The following REX1BD variants were observed in gnomAD, a reference collection of about 807,000 sequenced individuals.
REX1BD encodes the protein required for excision 1-B domain-containing protein.
Under a neutral mutation model 24.4 loss-of-function variants are expected in REX1BD, and 22 were observed. The observed-to-expected ratio is 0.90, with a 90% CI of 0.64 to 1.29. REX1BD has a LOEUF of 1.29. Among genes scored for constraint, REX1BD ranks in the 50% most tolerant of loss-of-function variants. REX1BD has a pLI of 0.00. For synonymous variants in REX1BD, 146 were observed against 125.9 expected (o/e 1.16, Z -1.07); for missense variants, 293 against 285.3 (o/e 1.03, Z -0.19).
At chr19:18,592,003 A>C in intron 4 of REX1BD, 105 bp from the exon 5 acceptor site, 3 of 1,330,496 alleles carry the variant, frequency 2.3e-6, no homozygotes, top group Admixed American at 1.9e-5. Context: ...GGCGGCGGGC[A>C]GGAGGGCCTG....
At chr19:18,588,931 G>A (rs1388311310) in intron 1 of REX1BD, 31 bp downstream of exon 1, 2 of 1,524,582 alleles carry the variant, frequency 1.3e-6, no homozygotes, top group East Asian at 5.0e-5. Context: ...GAACGGGCGC[G>A]GGGCGGGCGG....
At chr19:18,591,040 C>A in intron 4 of REX1BD, 107 bp downstream of exon 4, 1 of 1,060,962 alleles carries the variant, frequency 9.4e-7, no homozygotes, top group Non-Finnish European at 1.3e-6. Context: ...CAATGGTGTT[C>A]TCACCTGGTG....
Position 18,590,922 on chromosome 19 carries a change from G to A in REX1BD, c.522G>A (p.Gln174=), listed in dbSNP as rs764579564. The change falls in exon 4 of 5, where the codon CAG becomes CAA. Residue 174 remains glutamine (Q), a synonymous_variant. Coordinates refer to ENST00000358607, the MANE Select transcript of REX1BD (RefSeq NM_001100418.2). Reference sequence around the variant, plus strand: ...AGGAGGACGCTGTACGGATGCAGCAGCTGAAAATGAAGTGAGCGCTGCTGC... The same window carrying A: ...AGGAGGACGCTGTACGGATGCAGCAACTGAAAATGAAGTGAGCGCTGCTGC... ...AGQEDAVRMQ[Q]LKMKVIKTME... 3 of 1,587,466 alleles carry A rather than the reference G, an allele frequency of 1.9e-6. No homozygotes were observed. Among genetic ancestry groups the A allele is most frequent in the Admixed American group, 1.8e-5 (1 of 56,278 alleles).
Position 18,592,300 on chromosome 19 carries a change from T to G in REX1BD, c.*120T>G, listed in dbSNP as rs1976061302. On this transcript the variant is annotated 3_prime_UTR_variant, in exon 5 of 5. Coordinates refer to ENST00000358607, the MANE Select transcript of REX1BD (RefSeq NM_001100418.2). Reference sequence around the variant, plus strand: ...ACTGCGCTGCTGACCTTCCTGCAGTTCCAGACACCTCCCACAATAAAGAGC... The same window carrying G: ...ACTGCGCTGCTGACCTTCCTGCAGTGCCAGACACCTCCCACAATAAAGAGC... 1.0e-6 allele frequency: 1 copy of G among 1,004,698 alleles called. No homozygotes were observed. The highest frequency in any genetic ancestry group is 2.5e-5 in the East Asian group (1 of 40,600). The allele number at this position is 1,004,698 out of a possible 1,614,324, so 62.2% of individuals were successfully genotyped here.
intron 3 of REX1BD, 54 bp from the exon 4 acceptor site, chr19:18,590,800 G>A: frequency 2.0e-6 from 3 of 1,531,864 alleles, no homozygotes; most frequent in Non-Finnish European, 2.7e-6. Flanking sequence ...TTGGAGGGCA[G>A]GGGGTGGGTT....
At chr19:18,591,034 G>C in intron 4 of REX1BD, 101 bp downstream of exon 4, 2 of 1,123,032 alleles carry the variant, frequency 1.8e-6, no homozygotes, top group South Asian at 1.7e-5. Flanking sequence ...AGTGCACAAT[G>C]GTGTTCTCAC....
intron 3 of REX1BD, 84 bp from the exon 4 acceptor site, chr19:18,590,770 C>CT: frequency 7.2e-7 from 1 of 1,385,274 alleles, no homozygotes; most frequent in Middle Eastern, 1.8e-4. Context: ...CTGGGTGCCT[C>CT]TGTTTTTTCC....
intron 4 of REX1BD, 92 bp from the exon 5 acceptor site, chr19:18,592,016 G>T: frequency 1.4e-6 from 2 of 1,475,396 alleles, no homozygotes; most frequent in South Asian, 2.3e-5. Flanking sequence ...AGGGCCTGGG[G>T]CTCACCACAG....
chr19:18,592,053 A>G, intron 4 of REX1BD, 55 bp from the exon 5 acceptor site: 1 of 1,605,222 alleles, frequency 6.2e-7, no homozygotes, highest in South Asian at 1.1e-5. Context: ...GCTTCGCGGC[A>G]GCAGCTAATT....
In REX1BD at chr19:18,589,525, C is replaced by G. The variant is rs767031412; in HGVS notation, c.295C>G (p.Arg99Gly). 6.3e-7 allele frequency: 1 copy of G among 1,578,920 alleles called. No individual in the cohort carries two copies. The highest frequency in any genetic ancestry group is 1.8e-5 in the Admixed American group (1 of 56,634). Residue 99 changes from arginine to glycine, a missense_variant, in exon 3 of 5, where the codon CGC becomes GGC. By Grantham distance (125) the Arg-to-Gly change is moderately radical. Coordinates refer to ENST00000358607, the MANE Select transcript of REX1BD (RefSeq NM_001100418.2). Reference protein sequence around the residue: ...LRSGPDYDFARYRSTVHGVTQ... With the variant: ...LRSGPDYDFAGYRSTVHGVTQ... The stretch of plus-strand genomic sequence containing the variant: ...CAGCGGCCCTGACTACGACTTCGCG[C>G]GCTACCGGAGCACAGTGCACGGGGT...
chr19:18,589,811 A>C, intron 3 of REX1BD, 128 bp downstream of exon 3: 6 of 1,272,362 alleles, frequency 4.7e-6, no homozygotes, highest in South Asian at 1.7e-5. Context: ...TCCCACCCCA[A>C]TCCTCTATTA....
chr19:18,589,536 C>A lies in REX1BD; in HGVS notation c.306C>A (p.Ser102Arg). Residue 102 changes from serine to arginine, a missense_variant, in exon 3 of 5, where the codon AGC becomes AGA. Physicochemically the swap from Ser to Arg is moderately radical, Grantham distance 110. Coordinates refer to ENST00000358607, the MANE Select transcript of REX1BD (RefSeq NM_001100418.2). ...ACTACGACTTCGCGCGCTACCGGAG[C>A]ACAGTGCACGGGGTGACCCAGGCCT... ...GPDYDFARYR[S>R]TVHGVTQAFA... The A allele has an allele frequency of 6.3e-7, 1 of 1,578,898 alleles. No homozygotes were observed. Among genetic ancestry groups the A allele is most frequent in the Non-Finnish European group, 8.6e-7 (1 of 1,169,240 alleles).
chr19:18,588,856 G>A lies in REX1BD; in HGVS notation c.55G>A (p.Glu19Lys), dbSNP rs1451563851. 1.3e-6 allele frequency: 2 copies of A among 1,533,182 alleles called. No individual in the cohort carries two copies. The highest frequency in any genetic ancestry group is 1.7e-6 in the Non-Finnish European group (2 of 1,145,966). 95.0% of individuals were successfully genotyped at this position (1,533,182 alleles called of 1,614,324 possible). ...PTVPAVPAAEEATEARGREEP... is the reference protein window; with the variant it reads ...PTVPAVPAAEKATEARGREEP... ...GGTCCCTGCAGTGCCTGCTGCTGAGGAGGCCACCGAAGCTCGGGGACGCGA... is the reference window on the plus strand; with the variant it reads ...GGTCCCTGCAGTGCCTGCTGCTGAGAAGGCCACCGAAGCTCGGGGACGCGA... Residue 19 changes from glutamate to lysine, a missense_variant, in exon 1 of 5, where the codon GAG becomes AAG. Transcript: ENST00000358607.
Position 18,589,038 on chromosome 19 carries a change from T to C in REX1BD, c.143T>C (p.Leu48Pro). ...IRTLVQRIHQ[L>P]QAERAQGFRR... Reference sequence around the variant, plus strand: ...ACGCTGGTGCAGCGCATCCACCAGCTGCAGGCTGAGCGCGCGCAGGGCTTC... The same window carrying C: ...ACGCTGGTGCAGCGCATCCACCAGCCGCAGGCTGAGCGCGCGCAGGGCTTC... Residue 48 changes from leucine to proline, a missense_variant, in exon 2 of 5, where the codon CTG (leucine) becomes CCG (proline). Physicochemically the swap from Leu to Pro is moderately conservative, Grantham distance 98. Transcript: ENST00000358607. The C allele has an allele frequency of 6.6e-7, 1 of 1,526,634 alleles. No homozygotes were observed. Among genetic ancestry groups the C allele is most frequent in the East Asian group, 2.5e-5 (1 of 40,670 alleles). The allele number at this position is 1,526,634 out of a possible 1,614,324, so 94.6% of individuals were successfully genotyped here. A position where few individuals can be genotyped will look rare whatever the true frequency, so the allele number is the denominator to read the frequency against.
In REX1BD at chr19:18,592,203, C is replaced by A. The variant is rs199575264; in HGVS notation, c.*23C>A. On this transcript the variant is annotated 3_prime_UTR_variant, in exon 5 of 5. Coordinates refer to ENST00000358607, the MANE Select transcript of REX1BD (RefSeq NM_001100418.2). ...TGATGGCGGCTCCCCAGGGATGCGC[C>A]GAGGGAGATGGGAAACGGGGCGGAT... The A allele has an allele frequency of 6.2e-7, 1 of 1,613,794 alleles. No individual in the cohort carries two copies. Among genetic ancestry groups the A allele is most frequent in the Admixed American group, 1.7e-5 (1 of 60,010 alleles).
intron 3 of REX1BD, chr19:18,589,973 T>A (rs1000758766): frequency 2.4e-6 from 1 of 416,818 alleles, no homozygotes; most frequent in African/African-American, 2.1e-5. Context: ...CCAACAATGC[T>A]CCACCCACTC....
rs1237796034 is a variant in REX1BD at position 18,590,895 on chromosome 19, G to A, written c.495G>A (p.Gly165=). Residue 165 remains glycine (G), a synonymous_variant, in exon 4 of 5, where the codon GGG becomes GGA. Transcript: ENST00000358607. ...LQLMETPELA[G]QEDAVRMQQL... is the part of the protein sequence containing the mutation. ...TGATGGAGACGCCAGAGCTGGCGGG[G>A]CAGGAGGACGCTGTACGGATGCAGC... is the stretch of plus-strand genomic sequence containing the variant. 2 of 1,603,486 alleles carry A rather than the reference G, an allele frequency of 1.2e-6. No homozygotes were observed. The highest frequency in any genetic ancestry group is 1.3e-5 in the African/African-American group (1 of 74,632).
intron 4 of REX1BD, chr19:18,591,594 A>G: frequency 6.3e-6 from 1 of 158,562 alleles, no homozygotes; most frequent in Non-Finnish European, 1.4e-5. Flanking sequence ...TACAGGCGTA[A>G]GCCAGCACGC....
At position 18,588,993 on chromosome 19, in the gene REX1BD, A is replaced by G. The variant is rs985075733; in HGVS notation, c.100-2A>G. 1.3e-6 allele frequency: 2 copies of G among 1,527,420 alleles called. No homozygotes were observed. Among genetic ancestry groups the G allele is most frequent in the Admixed American group, 2.0e-5 (1 of 49,862 alleles). 94.6% of individuals were successfully genotyped at this position (1,527,420 alleles called of 1,614,324 possible). On this transcript the variant is annotated splice_acceptor_variant, in intron 1 of 4. Transcript: ENST00000358607. LOFTEE classifies it high-confidence loss of function. ...GCCCCAGCCGTGCCCCCTGTCCCGC[A>G]GAAAGACGCCCCGATCCGGACGCTG...
Sources: gnomAD v4.1 joint callset for allele counts on GRCh38, gnomAD v4.1.1 for gene constraint, MANE v1.5 for transcripts, NCBI Gene and HGNC (gene_info 2026-07-23, HGNC 2026-07-21) for gene names.